NARS2: variants seen among roughly 807,000 people sequenced by gnomAD.
The protein encoded by NARS2 is asparaginyl-tRNA synthetase 2, mitochondrial.
Under a neutral mutation model 62.9 loss-of-function variants are expected in NARS2, and 60 were observed. The observed-to-expected ratio is 0.95, with a 90% CI of 0.77 to 1.18. The LOEUF (loss-of-function observed/expected upper bound fraction) is 1.18. Ranked by LOEUF, NARS2 falls within the 50% of genes most tolerant of loss-of-function variation. The pLI is 0.00. For synonymous variants in NARS2, 196 were observed against 200.0 expected (o/e 0.98, Z 0.17); for missense variants, 619 against 576.4 (o/e 1.07, Z -0.76).
intron 7 of NARS2, among the ~76,000 whole-genome samples, chr11:78,486,151 A>T (rs1030274718): frequency 6.6e-6 from 1 of 152,170 alleles, no homozygotes; most frequent in African/African-American, 2.4e-5. Flanking sequence ...CTGGGATTAC[A>T]GGAGTGAGCC....
Position 78,478,489 on chromosome 11 carries a change from C to T in NARS2, c.922-14G>A, listed in dbSNP as rs373625110. ...TTCTAATCTGTCCTTAATAAAAAGA[C>T]AAAAAAGAAAATTTTAAAAATATAA... On this transcript the variant is annotated splice_polypyrimidine_tract_variant and intron_variant, in intron 8 of 13. Transcript: ENST00000281038. 1.5e-4 allele frequency: 179 copies of T among 1,199,110 alleles called. No homozygotes were observed. The highest frequency in any genetic ancestry group is 3.7e-4 in the Admixed American group (13 of 35,472). 74.3% of individuals were successfully genotyped at this position (1,199,110 alleles called of 1,614,324 possible).
At chr11:78,494,467 TTC>T (rs1293356435) in intron 6 of NARS2, among the ~76,000 whole-genome samples, 2 of 94,658 alleles carry the variant, frequency 2.1e-5, no homozygotes, top group African/African-American at 6.6e-5. Flanking sequence ...TTTTTTCTTT[TTC>T]TTTTTTTTTT....
intron 12 of NARS2, among the ~76,000 whole-genome samples, chr11:78,442,261 A>G (rs1269743022): frequency 1.3e-5 from 2 of 152,348 alleles, no homozygotes; most frequent in Non-Finnish European, 2.9e-5. Context: ...TTTTTCAACT[A>G]GAGTCTGACC....
intron 5 of NARS2, among the ~76,000 whole-genome samples, chr11:78,536,720 T>C (rs1223621337): frequency 1.3e-5 from 2 of 152,152 alleles, no homozygotes; most frequent in Non-Finnish European, 2.9e-5. Flanking sequence ...AATTAATCTA[T>C]TACTGAAGAC....
rs147792123 is a variant in NARS2, at chr11:78,473,457, C to T, written c.960-4144G>A. Among the ~76,000 whole-genome samples the T allele has an allele frequency of 2.3e-3, 351 of 151,994 alleles. 1 individual carries two copies. The highest frequency in any genetic ancestry group is 7.9e-3 in the African/African-American group (326 of 41,300). On this transcript the variant is annotated intron_variant, in intron 9 of 13. Transcript: ENST00000281038. Reference sequence around the variant, plus strand: ...TGTATTTGGAGTGTGAGATTATCTTCAGTAGAGTTTGTTTTGAGAATATCA... The same window carrying T: ...TGTATTTGGAGTGTGAGATTATCTTTAGTAGAGTTTGTTTTGAGAATATCA...
At chr11:78,523,018 AT>A (rs1279894089) in intron 6 of NARS2, among the ~76,000 whole-genome samples, 1 of 152,224 alleles carries the variant, frequency 6.6e-6, no homozygotes, top group African/African-American at 2.4e-5. Flanking sequence ...CAGGGAAAAA[AT>A]ATTTGCAAAT....
intron 7 of NARS2, among the ~76,000 whole-genome samples, chr11:78,492,140 TAG>T (rs1391222688): frequency 7.1e-6 from 1 of 140,088 alleles, no homozygotes; most frequent in African/African-American, 2.6e-5. Flanking sequence ...CACACATATA[TAG>T]ATTTTATCTA....
chr11:78,506,505 C>G (rs1860504270), intron 6 of NARS2, among the ~76,000 whole-genome samples: 1 of 152,152 alleles, frequency 6.6e-6, no homozygotes, highest in South Asian at 2.1e-4. Context: ...GTCTACCCAC[C>G]TAGACAAGTG....
At chr11:78,461,602 TAAAA>T (rs59664343) in intron 11 of NARS2, among the ~76,000 whole-genome samples, 9 of 64,078 alleles carry the variant, frequency 1.4e-4, no homozygotes, top group East Asian at 4.2e-4. Flanking sequence ...GCTGTGCTGG[TAAAA>T]AAAAAAAAAA....
intron 7 of NARS2, among the ~76,000 whole-genome samples, chr11:78,491,834 ATAAT>A (rs1433752054): frequency 3.3e-5 from 5 of 152,172 alleles, no homozygotes; most frequent in East Asian, 3.9e-4. Context: ...GGGTAATAAA[ATAAT>A]TAGTCTGTTC....
At chr11:78,468,310 G>GGGAAAAAA (rs1555015326) in intron 10 of NARS2, among the ~76,000 whole-genome samples, 1 of 67,432 alleles carries the variant, frequency 1.5e-5, no homozygotes, top group Non-Finnish European at 2.9e-5. Flanking sequence ...CACTAAATCT[G>GGGAAAAAA]AAAAAAAAAA....
intron 6 of NARS2, among the ~76,000 whole-genome samples, chr11:78,525,031 A>C (rs12295640): frequency 0.019 from 2,933 of 152,188 alleles, 83 homozygotes; most frequent in African/African-American, 0.06. Flanking sequence ...TAAGCAAAAG[A>C]AGCCAATCTA....
intron 1 of NARS2, 76 bp downstream of exon 1, chr11:78,574,272 A>G (rs1857035332): frequency 1.3e-6 from 2 of 1,588,322 alleles, no homozygotes; most frequent in African/African-American, 2.7e-5. Flanking sequence ...ACCCGACTGT[A>G]AAAGAAAAGC....
intron 11 of NARS2, among the ~76,000 whole-genome samples, chr11:78,456,803 C>T (rs1286971127): frequency 6.6e-6 from 1 of 152,216 alleles, no homozygotes; most frequent in Non-Finnish European, 1.5e-5. Flanking sequence ...TGAACATCTG[C>T]CACCTGGCTT....
chr11:78,530,099 T>C (rs1275108267), intron 5 of NARS2, among the ~76,000 whole-genome samples: 1 of 152,200 alleles, frequency 6.6e-6, no homozygotes, highest in African/African-American at 2.4e-5. Context: ...ATTTTTATAA[T>C]AACTGCCTTT....
chr11:78,558,203 C>T (rs186609112), intron 5 of NARS2: 16 of 152,276 alleles, frequency 1.1e-4, no homozygotes, highest in African/African-American at 3.8e-4. Flanking sequence ...CTCATATACA[C>T]AGATGCTAAT....
chr11:78,543,842 C>A (rs1440429554), intron 5 of NARS2, among the ~76,000 whole-genome samples: 4 of 151,946 alleles, frequency 2.6e-5, no homozygotes, highest in African/African-American at 7.3e-5. Flanking sequence ...ACCATCCTGG[C>A]CGACATGGTG....
intron 6 of NARS2, among the ~76,000 whole-genome samples, chr11:78,518,259 G>A (rs752445084): frequency 2.8e-4 from 43 of 152,152 alleles, no homozygotes; most frequent in Non-Finnish European, 1.2e-4. Flanking sequence ...ATGCAAATAC[G>A]TGGGCATCTG....
At chr11:78,515,831 T>G (rs183492431) in intron 6 of NARS2, among the ~76,000 whole-genome samples, 1 of 152,342 alleles carries the variant, frequency 6.6e-6, no homozygotes, top group East Asian at 1.9e-4. Context: ...GCCTGAACTG[T>G]GTACTTTTAA....
Sources: gnomAD v4.1 joint callset for allele counts (sites outside exome capture counted in the v4.1 genomes callset) on GRCh38, gnomAD v4.1.1 for gene constraint, MANE v1.5 for transcripts, NCBI Gene and HGNC (gene_info 2026-07-23, HGNC 2026-07-21) for gene names.